Variants in EXOC4 observed in about 807,000 individuals in gnomAD.
EXOC4 encodes SEC8-like 1.
Under a neutral mutation model 107.2 loss-of-function variants are expected in EXOC4, and 71 were observed. The observed-to-expected ratio is 0.66, with a 90% confidence interval of 0.55 to 0.81. The LOEUF (loss-of-function observed/expected upper bound fraction) is 0.81. Ranked by LOEUF, EXOC4 falls within the 30% of genes least tolerant of loss-of-function variation. The pLI, the probability that EXOC4 is intolerant of heterozygous loss-of-function variation, is 0.00. For synonymous variants in EXOC4, 456 were observed against 441.2 expected, an observed-to-expected ratio of 1.03 and a Z score of -0.42; for missense variants, 1,108 against 1,189.6, an observed-to-expected ratio of 0.93 and a Z score of 1.01.
At chr7:133,523,462 T>C (rs560433503) in intron 9 of EXOC4, among the ~76,000 whole-genome samples, 21 of 151,602 alleles carry the variant, frequency 1.4e-4, no homozygotes, top group Admixed American at 1.1e-3. Context: ...TTAATTATAC[T>C]TTAAGTTTTA....
chr7:133,666,285 AG>A (rs1422239907), intron 10 of EXOC4, among the ~76,000 whole-genome samples: 2 of 152,188 alleles, frequency 1.3e-5, no homozygotes, highest in Non-Finnish European at 2.9e-5. Context: ...CATATGTTAC[AG>A]GAAGTAGTGA....
intron 10 of EXOC4, among the ~76,000 whole-genome samples, chr7:133,673,496 T>TCA (rs968515739): frequency 1.1e-4 from 17 of 152,176 alleles, no homozygotes; most frequent in African/African-American, 4.1e-4. Context: ...ATGCCCTGAT[T>TCA]CAGAGTCTTT....
At chr7:133,581,407 C>G (rs1026418541) in intron 9 of EXOC4, among the ~76,000 whole-genome samples, 1 of 152,070 alleles carries the variant, frequency 6.6e-6, no homozygotes, top group Non-Finnish European at 1.5e-5. Flanking sequence ...AAGCATAGTA[C>G]CCACAGGTAC....
chr7:133,423,996 G>C (rs1193859519), intron 7 of EXOC4, among the ~76,000 whole-genome samples: 2 of 152,192 alleles, frequency 1.3e-5, no homozygotes, highest in African/African-American at 4.8e-5. Flanking sequence ...GAACTTTTCT[G>C]TCTAGCTACA....
chr7:134,027,922 G>A (rs1479707336), intron 17 of EXOC4, among the ~76,000 whole-genome samples: 2 of 152,282 alleles, frequency 1.3e-5, no homozygotes, highest in East Asian at 3.9e-4. Context: ...GATCCAGATA[G>A]GGCTAGAACC....
intron 7 of EXOC4, among the ~76,000 whole-genome samples, chr7:133,437,384 G>T (rs1049914410): frequency 6.6e-6 from 1 of 152,106 alleles, no homozygotes; most frequent in African/African-American, 2.4e-5. Flanking sequence ...AAGTTTGGTG[G>T]CATTCATTTT....
intron 9 of EXOC4, among the ~76,000 whole-genome samples, chr7:133,580,170 T>G (rs999786460): frequency 6.6e-6 from 1 of 152,260 alleles, no homozygotes; most frequent in Admixed American, 6.5e-5. Context: ...TTCCAAAGTA[T>G]GTATACATCG....
At chr7:133,553,919 C>A (rs12536921) in intron 9 of EXOC4, among the ~76,000 whole-genome samples, 151,541 of 152,286 alleles carry the variant, frequency 1, 75,407 homozygotes, top group East Asian at 1. Flanking sequence ...CTTTACCGAT[C>A]AGGGGATTTT....
chr7:133,602,980 A>G (rs1801843592), intron 9 of EXOC4, among the ~76,000 whole-genome samples: 2 of 147,752 alleles, frequency 1.4e-5, no homozygotes, highest in Admixed American at 6.7e-5. Flanking sequence ...TTGTCTGAAA[A>G]CAATTATTTA....
chr7:133,843,923 G>A (rs1798070966), intron 11 of EXOC4, among the ~76,000 whole-genome samples: 1 of 152,154 alleles, frequency 6.6e-6, no homozygotes, highest in Admixed American at 6.5e-5. Flanking sequence ...AGCTAATCAT[G>A]TGGTTTTTGT....
chr7:133,700,839 T>C lies in EXOC4; in HGVS notation c.1514+70698T>C, dbSNP rs545456210. On this transcript the variant is annotated intron_variant, in intron 10 of 17. Transcript: ENST00000253861. ...GTTAGTAAAGGGGAAAAAGAGGCCTTCTCTGATAGTCAGTATTAACTTAGT... is the reference window on the plus strand; with the variant it reads ...GTTAGTAAAGGGGAAAAAGAGGCCTCCTCTGATAGTCAGTATTAACTTAGT... Among the ~76,000 whole-genome samples, 202 of 152,294 alleles carry C rather than the reference T, an allele frequency of 1.3e-3. 1 individual carries two copies. The highest frequency in any genetic ancestry group is 3.4e-3 in the Middle Eastern group (1 of 294).
At chr7:133,693,615 A>G (rs1293399976) in intron 10 of EXOC4, among the ~76,000 whole-genome samples, 2 of 152,148 alleles carry the variant, frequency 1.3e-5, no homozygotes, top group Admixed American at 6.5e-5. Context: ...AACCCAGGCA[A>G]TCTGATTCCA....
chr7:133,745,567 A>C (rs1414184666), intron 10 of EXOC4, among the ~76,000 whole-genome samples: 1 of 152,142 alleles, frequency 6.6e-6, no homozygotes, highest in Non-Finnish European at 1.5e-5. Context: ...GAAAATGTTC[A>C]TGAGAGAACT....
intron 2 of EXOC4, among the ~76,000 whole-genome samples, chr7:133,277,025 G>A (rs1405655283): frequency 1.3e-5 from 2 of 151,388 alleles, no homozygotes; most frequent in African/African-American, 2.4e-5. Flanking sequence ...GCAATGGCGC[G>A]ATCTAAGCTC....
chr7:133,702,618 ACCCAGC>A (rs1163233094), intron 10 of EXOC4, among the ~76,000 whole-genome samples: 9 of 151,408 alleles, frequency 5.9e-5, no homozygotes, highest in South Asian at 2.1e-4. Flanking sequence ...GAGCCACTGC[ACCCAGC>A]CTGTATTTTA....
At chr7:133,898,224 A>T (rs1200083636) in intron 12 of EXOC4, among the ~76,000 whole-genome samples, 1 of 151,852 alleles carries the variant, frequency 6.6e-6, no homozygotes, top group African/African-American at 2.4e-5. Context: ...AATGCAGGCT[A>T]AAAAAATTAA....
intron 9 of EXOC4, chr7:133,551,710 C>G (rs1026939076): frequency 9.2e-5 from 14 of 152,036 alleles, no homozygotes; most frequent in African/African-American, 3.4e-4. Context: ...TTTATACCAC[C>G]TGTAATCTAG....
At chr7:133,335,084 A>T (rs1795480972) in intron 5 of EXOC4, among the ~76,000 whole-genome samples, 1 of 152,238 alleles carries the variant, frequency 6.6e-6, no homozygotes, top group Non-Finnish European at 1.5e-5. Context: ...AATAAATAAC[A>T]TGCACGTGCA....
At chr7:133,777,286 AGAGAGAGAG>A (rs747085454) in intron 10 of EXOC4, among the ~76,000 whole-genome samples, 61,231 of 149,372 alleles carry the variant, frequency 0.41, 13,573 homozygotes, top group Admixed American at 0.57. Flanking sequence ...AGAAAGAGAG[AGAGAGAGAG>A]AGAGAGAGAG....
Sources: allele counts gnomAD v4.1 joint callset (sites outside exome capture counted in the v4.1 genomes callset), GRCh38; gene constraint gnomAD v4.1.1; transcripts MANE v1.5; gene names NCBI Gene and HGNC (gene_info 2026-07-23, HGNC 2026-07-21).